Variants in SAP130 observed in about 807,000 individuals in gnomAD.
The protein encoded by SAP130 is Sin3A associated protein 130.
In SAP130, 16 loss-of-function variants were observed where a neutral mutation model predicts 103.2. The observed-to-expected ratio is 0.16, with a 90% CI of 0.10 to 0.24. SAP130 has a LOEUF of 0.24. Ranked by LOEUF, SAP130 falls within the 10% of genes least tolerant of loss-of-function variation. The pLI is 1.00. For missense variants in SAP130, 990 were observed against 1,359.7 expected, an observed-to-expected ratio of 0.73 and a Z score of 4.28; for synonymous variants, 477 against 497.0, an observed-to-expected ratio of 0.96 and a Z score of 0.53.
chr2:127,999,809 A>G lies in SAP130; in HGVS notation c.1145T>C (p.Ile382Thr). Residue 382 changes from isoleucine to threonine, a missense_variant, in exon 10 of 21, where the codon ATT (isoleucine) becomes ACT (threonine). Transcript: ENST00000643581. ...ATGGGAGGGTACTGTCATGGTAACA[A>G]TGGTACTTGTGGGAGCTTGCGTGTG... ...VSHTQAPTST[I>T]VTMTVPSHSS... 2 of 1,537,496 alleles carry G rather than the reference A, an allele frequency of 1.3e-6. No homozygotes were observed. The highest frequency in any genetic ancestry group is 1.7e-6 in the Non-Finnish European group (2 of 1,145,958).
intron 2 of SAP130, among the ~76,000 whole-genome samples, 182 bp from the exon 3 acceptor site, chr2:128,018,097 G>A (rs778911844): frequency 6.6e-6 from 1 of 152,056 alleles, no homozygotes; most frequent in African/African-American, 2.4e-5. Context: ...AGACAAAAGA[G>A]CCACAACTGT....
At chr2:128,013,991 AT>A (rs1684580566) in intron 5 of SAP130, among the ~76,000 whole-genome samples, 1 of 152,216 alleles carries the variant, frequency 6.6e-6, no homozygotes, top group Non-Finnish European at 1.5e-5. Context: ...CAGTATTAAT[AT>A]TTGTGACTTA....
intron 16 of SAP130, among the ~76,000 whole-genome samples, chr2:127,952,604 C>T (rs1323388456): frequency 6.6e-6 from 1 of 152,096 alleles, no homozygotes; most frequent in East Asian, 1.9e-4. Flanking sequence ...CATGCTTTTA[C>T]CCCATCATTA....
chr2:128,024,699 C>A (rs1367364782), intron 2 of SAP130, among the ~76,000 whole-genome samples: 1 of 146,490 alleles, frequency 6.8e-6, no homozygotes, highest in Non-Finnish European at 1.5e-5. Context: ...GAAACCCTGT[C>A]TCTACTAAAA....
At chr2:127,965,222 G>A (rs957228535) in intron 15 of SAP130, among the ~76,000 whole-genome samples, 25 of 152,158 alleles carry the variant, frequency 1.6e-4, no homozygotes, top group African/African-American at 6.0e-4. Context: ...GCTTGAACCT[G>A]GGAGGCAGAG....
At chr2:127,947,817 C>T (rs975737004) in intron 18 of SAP130, among the ~76,000 whole-genome samples, 2 of 70,794 alleles carry the variant, frequency 2.8e-5, no homozygotes, top group Admixed American at 3.0e-4. Context: ...GACGGAGTCT[C>T]ACTCTGTCAC....
intron 3 of SAP130, among the ~76,000 whole-genome samples, chr2:128,017,138 A>G (rs1364301953): frequency 2.6e-5 from 4 of 152,194 alleles, no homozygotes; most frequent in Non-Finnish European, 5.9e-5. Flanking sequence ...CCTGGCCGAC[A>G]TGGTGAAACG....
intron 15 of SAP130, among the ~76,000 whole-genome samples, chr2:127,968,777 A>G (rs1375382155): frequency 2.6e-5 from 4 of 152,100 alleles, no homozygotes; most frequent in Admixed American, 2.0e-4. Context: ...CAGCCTCCCA[A>G]AGCGCTGGGA....
At chr2:128,008,528 CTTTT>C (rs76018250) in intron 7 of SAP130, among the ~76,000 whole-genome samples, 8 of 137,210 alleles carry the variant, frequency 5.8e-5, no homozygotes, top group African/African-American at 8.2e-5. Flanking sequence ...CCACGCTTAC[CTTTT>C]TTTTTTTTTT....
intron 15 of SAP130, among the ~76,000 whole-genome samples, chr2:127,973,187 C>T (rs1213045997): frequency 2.0e-5 from 3 of 152,206 alleles, no homozygotes; most frequent in Non-Finnish European, 4.4e-5. Context: ...AAATCTCTAT[C>T]ACCAGCACGG....
intron 7 of SAP130, among the ~76,000 whole-genome samples, chr2:128,001,932 CT>C (rs111838724): frequency 9.6e-4 from 140 of 145,118 alleles, no homozygotes; most frequent in Admixed American, 1.1e-3. Flanking sequence ...GTGAAAAAAA[CT>C]TTTTTTTTTT....
At chr2:127,981,933 G>T (rs1353194940) in intron 14 of SAP130, among the ~76,000 whole-genome samples, 1 of 152,166 alleles carries the variant, frequency 6.6e-6, no homozygotes, top group Admixed American at 6.5e-5. Flanking sequence ...CTGTGGTGGA[G>T]CAGCCAAGCA....
At chr2:127,998,599 AAAAC>A (rs1178377713) in intron 10 of SAP130, among the ~76,000 whole-genome samples, 2 of 152,242 alleles carry the variant, frequency 1.3e-5, no homozygotes, top group Non-Finnish European at 2.9e-5. Flanking sequence ...ATAAAAGAGA[AAAAC>A]AAAATGACAG....
intron 15 of SAP130, among the ~76,000 whole-genome samples, chr2:127,961,541 T>C (rs780604080): frequency 6.0e-5 from 9 of 150,718 alleles, no homozygotes; most frequent in Admixed American, 2.0e-4. Context: ...TTTGACTCAA[T>C]TGGGTTGCTT....
Position 127,950,232 on chromosome 2 carries a change from C to T in SAP130, c.2599G>A (p.Asp867Asn). ...AGACTCTTGGCAGTGGACTTCTCAT[C>T]ATCAGTGCTGTTTGTCTCCATCATG... ...GDMMETNSTD[D>N]EKSTAKSLLV... The change falls in exon 17 of 21, where the codon GAT (aspartate) becomes AAT (asparagine). Residue 867 changes from aspartate (D) to asparagine (N), a missense_variant. Physicochemically the swap from Asp to Asn is conservative, Grantham distance 23 (BLOSUM62 1). This residue lies in a region of SAP130 where 61 missense variants were observed against 73.8 expected (regional missense o/e 0.83). Transcript: ENST00000643581. The T allele has an allele frequency of 6.2e-7, 1 of 1,614,190 alleles. No homozygotes were observed. The highest frequency in any genetic ancestry group is 8.5e-7 in the Non-Finnish European group (1 of 1,180,032).
intron 12 of SAP130, among the ~76,000 whole-genome samples, chr2:127,991,007 T>C (rs1383776631): frequency 6.6e-6 from 1 of 151,442 alleles, no homozygotes; most frequent in South Asian, 2.1e-4. Context: ...TCCCAGCACT[T>C]TGGGAGGCCG....
At chr2:127,998,650 C>T (rs1044268740) in intron 10 of SAP130, among the ~76,000 whole-genome samples, 5 of 152,314 alleles carry the variant, frequency 3.3e-5, no homozygotes, top group Admixed American at 6.5e-5. Context: ...CATGTATGTA[C>T]GTTTCCTGGT....
chr2:128,013,216 T>C, intron 5 of SAP130, 62 bp from the exon 6 acceptor site: 1 of 1,456,310 alleles, frequency 6.9e-7, no homozygotes, highest in Non-Finnish European at 9.1e-7. Context: ...AAATAATCAG[T>C]ATGTTTCCCA....
At chr2:127,983,949 T>A (rs1418176849) in intron 14 of SAP130, among the ~76,000 whole-genome samples, 1 of 151,002 alleles carries the variant, frequency 6.6e-6, no homozygotes, top group Non-Finnish European at 1.5e-5. Flanking sequence ...ACTTTTGAAC[T>A]GAGATTACAA....
Sources: allele counts gnomAD v4.1 joint callset (sites outside exome capture counted in the v4.1 genomes callset), GRCh38; gene constraint gnomAD v4.1.1; regional missense constraint gnomAD v4.1.1; transcripts MANE v1.5; gene names NCBI Gene and HGNC (gene_info 2026-07-23, HGNC 2026-07-21).